Variants in GOLGA1 observed in about 807,000 individuals in gnomAD.
GOLGA1 encodes golgin A1.
GOLGA1 carries 63 observed loss-of-function variants against 119.7 expected under a neutral mutation model. The ratio of observed to expected loss-of-function variants is 0.53; its 90% CI spans 0.43 to 0.65. The LOEUF is 0.65. Ranked by LOEUF, GOLGA1 falls within the 30% of genes least tolerant of loss-of-function variation. GOLGA1 has a pLI of 0.00. For missense variants in GOLGA1, 798 were observed against 912.8 expected (o/e 0.87, Z 1.62); for synonymous variants, 318 against 333.4 (o/e 0.95, Z 0.50).
chr9:124,889,694 T>C (rs1777723108), intron 16 of GOLGA1, among the ~76,000 whole-genome samples, 158 bp from the exon 17 acceptor site: 1 of 152,086 alleles, frequency 6.6e-6, no homozygotes, highest in South Asian at 2.1e-4. Context: ...CCTATGAACA[T>C]GCACAAATCT....
At chr9:124,942,361 G>C (rs553569407), upstream of GOLGA1, among the ~76,000 whole-genome samples, 3 of 152,122 alleles carry the variant, frequency 2.0e-5, no homozygotes, top group African/African-American at 7.2e-5. Context: ...AGGAACTCTG[G>C]TTCCATCCCC....
rs1358052223 is a variant in GOLGA1 at position 124,940,097 on chromosome 9, C to T, written c.-156+9G>A. Reference sequence around the variant, plus strand: ...CTTTACTTTCAATGTGTGTAAACCACTTACTCACCTGGCTTATCTACTAGA... The same window carrying T: ...CTTTACTTTCAATGTGTGTAAACCATTTACTCACCTGGCTTATCTACTAGA... On this transcript the variant is annotated intron_variant, in intron 2 of 22. Transcript: ENST00000373555. The T allele has an allele frequency of 6.6e-6, 1 of 152,210 alleles. No individual in the cohort carries two copies. Among genetic ancestry groups the T allele is most frequent in the East Asian group, 1.9e-4 (1 of 5,196 alleles). 9.4% of individuals were successfully genotyped at this position (152,210 alleles called of 1,614,324 possible). A position where few individuals can be genotyped will look rare whatever the true frequency, so the allele number is the denominator to read the frequency against.
chr9:124,900,619 C>A, intron 12 of GOLGA1, 72 bp from the exon 13 acceptor site: 3 of 687,236 alleles, frequency 4.4e-6, no homozygotes, highest in Non-Finnish European at 5.1e-6. Flanking sequence ...CTTTAAAATG[C>A]AAAGCGATTT....
At chr9:124,886,821 G>A (rs1829731830) in intron 19 of GOLGA1, among the ~76,000 whole-genome samples, 1 of 152,032 alleles carries the variant, frequency 6.6e-6, no homozygotes. Flanking sequence ...GTGAGGCAGG[G>A]TTGAGGTGAA....
Position 124,888,156 on chromosome 9 carries a change from GA to G in GOLGA1, c.1905+96del, listed in dbSNP as rs1366623385. Reference sequence around the variant, plus strand: ...GTCATGGTTGCCAGGAGGTGCGGGGGAAACCACAAAAACCTCCAAGGATGGA... The same window carrying G: ...GTCATGGTTGCCAGGAGGTGCGGGGGAACCACAAAAACCTCCAAGGATGGA... On this transcript the variant is annotated intron_variant, in intron 19 of 22. Coordinates refer to ENST00000373555, the MANE Select transcript of GOLGA1 (RefSeq NM_002077.4). This position sits in a 1 kb window ranked among gnomAD's most constrained non-coding sequence, Gnocchi z 4.4. 1.5e-5 allele frequency: 18 copies of G among 1,181,920 alleles called. No homozygotes were observed. Among genetic ancestry groups the G allele is most frequent in the Non-Finnish European group, 1.9e-5 (15 of 802,464 alleles). The allele number at this position is 1,181,920 out of a possible 1,614,324, so 73.2% of individuals were successfully genotyped here. A position where few individuals can be genotyped will look rare whatever the true frequency, so the allele number is the denominator to read the frequency against.
At chr9:124,891,852 C>T (rs1314497152) in intron 15 of GOLGA1, among the ~76,000 whole-genome samples, 5 of 151,352 alleles carry the variant, frequency 3.3e-5, no homozygotes, top group African/African-American at 1.2e-4. Context: ...GCCATGTTGG[C>T]CAGGCTGGTC....
At chr9:124,902,794 G>A (rs1285249635) in intron 12 of GOLGA1, among the ~76,000 whole-genome samples, 1 of 152,150 alleles carries the variant, frequency 6.6e-6, no homozygotes, top group African/African-American at 2.4e-5. Context: ...CAGCCAAGGA[G>A]AGGACGTTTT....
chr9:124,887,776 G>A (rs1352998647), intron 19 of GOLGA1, among the ~76,000 whole-genome samples: 1 of 151,990 alleles, frequency 6.6e-6, no homozygotes, highest in African/African-American at 2.4e-5. Flanking sequence ...TGAAGGGTGG[G>A]GACCATGACA....
At chr9:124,890,312 C>A in intron 16 of GOLGA1, 77 bp downstream of exon 16, 1 of 987,186 alleles carries the variant, frequency 1.0e-6, no homozygotes, top group Non-Finnish European at 1.6e-6. Flanking sequence ...CCCTCTCCAA[C>A]AGTCTCACGG....
intron 12 of GOLGA1, among the ~76,000 whole-genome samples, chr9:124,902,293 T>C (rs532674907): frequency 2.6e-5 from 4 of 151,364 alleles, no homozygotes; most frequent in African/African-American, 7.3e-5. Context: ...TTCTATTTTT[T>C]AGTAGAGACG....
rs758349685 is a variant in GOLGA1 at position 124,881,962 on chromosome 9, A to C, written c.1966-8T>G. 1 of 1,593,868 alleles carries C rather than the reference A, an allele frequency of 6.3e-7. No homozygotes were observed. The highest frequency in any genetic ancestry group is 1.8e-5 in the Admixed American group (1 of 56,010). On this transcript the variant is annotated splice_polypyrimidine_tract_variant and splice_region_variant and intron_variant, in intron 20 of 22. Coordinates refer to ENST00000373555, the MANE Select transcript of GOLGA1 (RefSeq NM_002077.4). This position sits in a 1 kb window ranked among gnomAD's most constrained non-coding sequence, Gnocchi z 4.9. ...ATTATCGGGTCTGATTTTCTGAAAA[A>C]CCAGTGGGAAAGATGCTACACCGAA...
upstream of GOLGA1, among the ~76,000 whole-genome samples, chr9:124,942,356 C>T (rs982387725): frequency 1.1e-4 from 16 of 152,242 alleles, no homozygotes; most frequent in African/African-American, 3.6e-4. Context: ...CCTTAAGGAA[C>T]TCTGGTTCCA....
rs748454386 is a variant in GOLGA1 at position 124,878,865 on chromosome 9, C to CT, written c.*1664dup. On this transcript the variant is annotated 3_prime_UTR_variant, in exon 23 of 23. Transcript: ENST00000373555. ...AAGGAAATCCTACTTTGAAAAAAGG[C>CT]TACCTCTTACCCATCAAACTTGCAG... The CT allele has an allele frequency of 3.3e-5, 5 of 152,230 alleles. No individual in the cohort carries two copies. Among genetic ancestry groups the CT allele is most frequent in the Non-Finnish European group, 7.3e-5 (5 of 68,048 alleles). The allele number at this position is 152,230 out of a possible 1,614,324, so 9.4% of individuals were successfully genotyped here.
At chr9:124,889,585 T>C in intron 16 of GOLGA1, 49 bp from the exon 17 acceptor site, 2 of 1,202,060 alleles carry the variant, frequency 1.7e-6, no homozygotes, top group Non-Finnish European at 2.5e-6. Flanking sequence ...AGTGACTCCA[T>C]CTTCCCACAG....
At chr9:124,907,580 T>C (rs1830259057) in intron 12 of GOLGA1, among the ~76,000 whole-genome samples, 1 of 152,046 alleles carries the variant, frequency 6.6e-6, no homozygotes, top group South Asian at 2.1e-4. Flanking sequence ...AACAAGAATA[T>C]ACAATGAAAT....
In GOLGA1 at chr9:124,938,576, C is replaced by A. The variant is rs1397240910; in HGVS notation, c.135+1G>T. The A allele has an allele frequency of 1.9e-6, 3 of 1,610,054 alleles. No homozygotes were observed. Among genetic ancestry groups the A allele is most frequent in the Non-Finnish European group, 2.5e-6 (3 of 1,177,756 alleles). ...TTTATTTCTTAAGTAAAGGTACTTA[C>A]AAAGTCATCTCCTGAGTCAGCTCCC... On this transcript the variant is annotated splice_donor_variant, in intron 3 of 22. Coordinates refer to ENST00000373555, the MANE Select transcript of GOLGA1 (RefSeq NM_002077.4). LOFTEE classifies it high-confidence loss of function.
chr9:124,888,321 C>A lies in GOLGA1; in HGVS notation c.1837G>T (p.Ala613Ser), dbSNP rs773435319. ...TTCTGTAGCTGTGTGAGATCCATGG[C>A]CCCAACCTCACCATTTGGTGTTCTT... The part of the protein sequence containing the change: ...AGRTPNGEVG[A>S]MDLTQLQKEK... Residue 613 changes from alanine to serine, a missense_variant, in exon 19 of 23, where the codon GCC becomes TCC. Physicochemically the swap from Ala to Ser is moderately conservative, Grantham distance 99. Transcript: ENST00000373555. This position sits in a 1 kb window ranked among gnomAD's most constrained non-coding sequence, Gnocchi z 4.4. The A allele has an allele frequency of 3.1e-6, 5 of 1,613,736 alleles. No individual in the cohort carries two copies. Among genetic ancestry groups the A allele is most frequent in the East Asian group, 4.5e-5 (2 of 44,890 alleles).
chr9:124,881,119 G>A lies in GOLGA1; in HGVS notation c.2223+52C>T. The A allele has an allele frequency of 2.1e-6, 2 of 965,350 alleles. No homozygotes were observed. The highest frequency in any genetic ancestry group is 1.3e-5 in the South Asian group (1 of 78,454). The allele number at this position is 965,350 out of a possible 1,614,324, so 59.8% of individuals were successfully genotyped here. On this transcript the variant is annotated intron_variant, in intron 22 of 22. Coordinates refer to ENST00000373555, the MANE Select transcript of GOLGA1 (RefSeq NM_002077.4). This position sits in a 1 kb window ranked among gnomAD's most constrained non-coding sequence, Gnocchi z 4.9. Reference sequence around the variant, plus strand: ...AGGGGTCTTACACTGCTACTGCTGGGATAACTGACAACGTATCTTGGAAGC... The same window carrying A: ...AGGGGTCTTACACTGCTACTGCTGGAATAACTGACAACGTATCTTGGAAGC...
intron 12 of GOLGA1, 57 bp downstream of exon 12, chr9:124,908,320 T>C: frequency 1.1e-6 from 1 of 874,870 alleles, no homozygotes; most frequent in East Asian, 2.4e-5. Flanking sequence ...CACACCATGT[T>C]GCCATTCAGC....
Sources: gnomAD v4.1 joint callset for allele counts (sites outside exome capture counted in the v4.1 genomes callset) on GRCh38, gnomAD v4.1.1 for gene constraint, Gnocchi (gnomAD v3.1) non-coding constraint, MANE v1.5 for transcripts, NCBI Gene and HGNC (gene_info 2026-07-23, HGNC 2026-07-21) for gene names.